The following AIG1 variants were observed in gnomAD, a reference collection of about 807,000 sequenced individuals.
The protein encoded by AIG1 is androgen induced 1.
In AIG1, 23 loss-of-function variants were observed where a neutral mutation model predicts 31.4. That is an observed-to-expected ratio of 0.73 (90% CI 0.53 to 1.04). The LOEUF is 1.04. Among genes scored for constraint, AIG1 ranks in the 50% least tolerant of loss-of-function variants. The probability of loss-of-function intolerance (pLI) is 0.00; values close to 1 mark genes in which losing one functional copy is unlikely to be tolerated. For synonymous variants in AIG1, 100 were observed against 110.5 expected (o/e 0.90, Z 0.60); for missense variants, 274 against 295.0 (o/e 0.93, Z 0.52).
Position 143,284,232 on chromosome 6 carries a change from AC to A in AIG1, c.515+9del, listed in dbSNP as rs765394666. On this transcript the variant is annotated splice_region_variant and intron_variant, in intron 4 of 5. Transcript: ENST00000357847. The surrounding 1 kb of genome is among the most constrained non-coding windows in gnomAD (Gnocchi z 4.4). ...CTGTTGGCTATATATTATGGTAAGG[AC>A]CATGCCTGCTGGGCTTTCTTATTGT... 6.3e-6 allele frequency: 10 copies of A among 1,593,018 alleles called. No individual in the cohort carries two copies. Among genetic ancestry groups the A allele is most frequent in the Non-Finnish European group, 8.6e-6 (10 of 1,162,170 alleles).
intron 3 of AIG1, among the ~76,000 whole-genome samples, chr6:143,211,020 A>T (rs1791547096): frequency 6.6e-6 from 1 of 152,134 alleles, no homozygotes; most frequent in Admixed American, 6.5e-5. Context: ...TTGCTTTTGG[A>T]TGCTTCCCTC....
intron 5 of AIG1, chr6:143,337,980 G>A (rs1489467133): frequency 1.0e-5 from 4 of 398,618 alleles, no homozygotes; most frequent in Non-Finnish European, 1.3e-5. Flanking sequence ...CCTCACAGCT[G>A]CCAAACTAAA....
At chr6:143,137,259 C>T (rs754354572) in intron 2 of AIG1, among the ~76,000 whole-genome samples, 2 of 152,170 alleles carry the variant, frequency 1.3e-5, no homozygotes, top group Non-Finnish European at 2.9e-5. Flanking sequence ...CTGACTGTGT[C>T]TTCACACACT....
chr6:143,333,142 C>G lies in AIG1; in HGVS notation c.516-140C>G, dbSNP rs1438874291. On this transcript the variant is annotated intron_variant, in intron 4 of 5. Transcript: ENST00000357847. This position sits in a 1 kb window ranked among gnomAD's most constrained non-coding sequence, Gnocchi z 4.6. ...ACAGCAACCAAGTTTCCAGTAGCTC[C>G]TGAGTATCAGAAGCGAACTTGAGAC... 2 of 764,548 alleles carry G rather than the reference C, an allele frequency of 2.6e-6. No individual in the cohort carries two copies. Among genetic ancestry groups the G allele is most frequent in the Admixed American group, 3.0e-5 (1 of 33,244 alleles). The allele number at this position is 764,548 out of a possible 1,614,324, so 47.4% of individuals were successfully genotyped here.
chr6:143,339,211 C>T (rs568846617), intron 5 of AIG1: 8 of 152,714 alleles, frequency 5.2e-5, no homozygotes, highest in African/African-American at 1.9e-4. Flanking sequence ...AAGTCCTTGC[C>T]TTAGGAAGAG....
At chr6:143,129,581 A>G (rs1391855306) in intron 1 of AIG1, among the ~76,000 whole-genome samples, 1 of 152,184 alleles carries the variant, frequency 6.6e-6, no homozygotes, top group Non-Finnish European at 1.5e-5. Context: ...AATCTGAGAA[A>G]GTGTTGCTTA....
intron 3 of AIG1, among the ~76,000 whole-genome samples, chr6:143,250,898 T>C (rs944404081): frequency 6.6e-6 from 1 of 152,214 alleles, no homozygotes; most frequent in African/African-American, 2.4e-5. Context: ...ATTTTTCCAA[T>C]GTGGCCCAAG....
chr6:143,172,469 A>C lies in AIG1; in HGVS notation c.399+7286A>C, dbSNP rs147635124. Among the ~76,000 whole-genome samples, 3 of 152,306 alleles carry C rather than the reference A, an allele frequency of 2.0e-5. No individual in the cohort carries two copies. The East Asian group carries it at 5.8e-4, about 29-fold the overall frequency. Reference sequence around the variant, plus strand: ...CACACGTTGTTGGATTCAGTTAGCTAGTATTTTATTGAGGATTTTTGCATC... The same window carrying C: ...CACACGTTGTTGGATTCAGTTAGCTCGTATTTTATTGAGGATTTTTGCATC... On this transcript the variant is annotated intron_variant, in intron 3 of 5. Transcript: ENST00000357847.
At chr6:143,199,031 A>G (rs1790480676) in intron 3 of AIG1, among the ~76,000 whole-genome samples, 2 of 152,190 alleles carry the variant, frequency 1.3e-5, no homozygotes, top group South Asian at 4.1e-4. Flanking sequence ...CATGGAAACT[A>G]GGTAATTCAG....
rs959091672 is a variant in AIG1, at chr6:143,187,317, A to T, written c.399+22134A>T. 4 of 1,305,482 alleles carry T rather than the reference A, an allele frequency of 3.1e-6. No individual in the cohort carries two copies. The African/African-American group carries it at 5.9e-5, about 19-fold the overall frequency. 80.9% of individuals were successfully genotyped at this position (1,305,482 alleles called of 1,614,324 possible). On this transcript the variant is annotated intron_variant, in intron 3 of 5. Coordinates refer to ENST00000357847, the MANE Select transcript of AIG1 (RefSeq NM_016108.4). ...ACTGCTAATATTCACACATATGGCA[A>T]ATATGAACTAATCAGACCACAGATA...
chr6:143,082,384 A>T (rs1369625670), intron 1 of AIG1, among the ~76,000 whole-genome samples: 1 of 152,160 alleles, frequency 6.6e-6, no homozygotes, highest in African/African-American at 2.4e-5. Flanking sequence ...CATAGGTTTG[A>T]GCAATTACTT....
chr6:143,157,868 C>G (rs780221634), intron 2 of AIG1, among the ~76,000 whole-genome samples: 28 of 152,080 alleles, frequency 1.8e-4, no homozygotes, highest in Non-Finnish European at 2.2e-4. Context: ...TCATATTCCT[C>G]TCTATGTTTT....
At chr6:143,136,311 T>C (rs1783741583) in intron 1 of AIG1, among the ~76,000 whole-genome samples, 1 of 152,086 alleles carries the variant, frequency 6.6e-6, no homozygotes, top group Non-Finnish European at 1.5e-5. Context: ...ACCACTTCCT[T>C]TGATAGAAAA....
intron 3 of AIG1, among the ~76,000 whole-genome samples, chr6:143,277,856 T>G (rs1227969229): frequency 1.3e-5 from 2 of 152,224 alleles, no homozygotes; most frequent in Non-Finnish European, 2.9e-5. Flanking sequence ...GAACATAGTC[T>G]TCAAATATTG....
chr6:143,070,486 G>A (rs1777146313), intron 1 of AIG1, among the ~76,000 whole-genome samples: 1 of 151,766 alleles, frequency 6.6e-6, no homozygotes, highest in Non-Finnish European at 1.5e-5. Context: ...AGTCCATTTT[G>A]TGTTGCTATC....
Position 143,293,354 on chromosome 6 carries a change from A to C in AIG1, c.515+9129A>C, listed in dbSNP as rs1798187912. 1.3e-5 allele frequency among the ~76,000 whole-genome samples: 2 copies of C among 152,166 alleles called. No individual in the cohort carries two copies. Among genetic ancestry groups the C allele is most frequent in the Non-Finnish European group, 2.9e-5 (2 of 68,020 alleles). ...AAATTTTCTTATGGTTCATATATTA[A>C]GTTATTTCCGGAGCTCTGCTTTTCC... On this transcript the variant is annotated intron_variant, in intron 4 of 5. Transcript: ENST00000357847. The surrounding 1 kb of genome is among the most constrained non-coding windows in gnomAD (Gnocchi z 4.8).
chr6:143,135,821 G>T (rs980772327), intron 1 of AIG1, among the ~76,000 whole-genome samples: 1 of 152,152 alleles, frequency 6.6e-6, no homozygotes, highest in Non-Finnish European at 1.5e-5. Flanking sequence ...TTCTAAAGAG[G>T]CAATGAGTAA....
chr6:143,112,921 AG>A (rs1781415105), intron 1 of AIG1, among the ~76,000 whole-genome samples: 1 of 152,226 alleles, frequency 6.6e-6, no homozygotes, highest in Non-Finnish European at 1.5e-5. Flanking sequence ...GCCATATTTT[AG>A]GACTTAGTTG....
At chr6:143,148,215 T>G (rs1784865253) in intron 2 of AIG1, among the ~76,000 whole-genome samples, 1 of 151,408 alleles carries the variant, frequency 6.6e-6, no homozygotes, top group South Asian at 2.1e-4. Flanking sequence ...AAACCTATAT[T>G]ATGGACTGGA....
Sources: gnomAD v4.1 joint callset for allele counts (sites outside exome capture counted in the v4.1 genomes callset) on GRCh38, gnomAD v4.1.1 for gene constraint, Gnocchi (gnomAD v3.1) non-coding constraint, MANE v1.5 for transcripts, NCBI Gene and HGNC (gene_info 2026-07-23, HGNC 2026-07-21) for gene names.